Variants in GALNT17 observed in about 807,000 individuals in gnomAD.
The protein encoded by GALNT17 is UDP-GalNAc:polypeptide N-acetylgalactosaminyltransferase-like 3.
GALNT17 carries 29 observed loss-of-function variants against 63.7 expected under a neutral mutation model. The ratio of observed to expected loss-of-function variants is 0.46; its 90% CI spans 0.34 to 0.62. The LOEUF is 0.62. GALNT17 is among the 20% of genes least tolerant of loss of function. The pLI, the probability that GALNT17 is intolerant of heterozygous loss-of-function variation, is 0.01. For missense variants in GALNT17, 603 were observed against 799.6 expected (o/e 0.75, Z 2.97); for synonymous variants, 305 against 318.3 (o/e 0.96, Z 0.45).
intron 6 of GALNT17, among the ~76,000 whole-genome samples, chr7:71,665,059 C>T (rs897531785): frequency 6.6e-6 from 1 of 152,160 alleles, no homozygotes; most frequent in Non-Finnish European, 1.5e-5. Flanking sequence ...CTCACTGCAA[C>T]CTCCACCTCC....
intron 9 of GALNT17, among the ~76,000 whole-genome samples, chr7:71,689,591 T>G (rs898309398): frequency 6.6e-6 from 1 of 152,202 alleles, no homozygotes; most frequent in Admixed American, 6.5e-5. Flanking sequence ...GAGGTTGGCT[T>G]GAGGTTTAAG....
chr7:71,337,729 G>A (rs1410574033), intron 2 of GALNT17, among the ~76,000 whole-genome samples: 3 of 151,708 alleles, frequency 2.0e-5, no homozygotes, highest in Non-Finnish European at 2.9e-5. Context: ...TTGGCTGGGC[G>A]CGGTGGCAGG....
chr7:71,133,150 G>A, intron 1 of GALNT17, 110 bp downstream of exon 1: 1 of 944,836 alleles, frequency 1.1e-6, no homozygotes, highest in Non-Finnish European at 1.5e-6. Context: ...GGCACACCCT[G>A]GCTCCCGCGC....
chr7:71,620,442 A>C (rs1356021478), intron 6 of GALNT17, among the ~76,000 whole-genome samples: 1 of 152,126 alleles, frequency 6.6e-6, no homozygotes, highest in Admixed American at 6.6e-5. Flanking sequence ...ATGCCACTGC[A>C]CTCCAGCCTG....
At chr7:71,285,685 C>T (rs1233331245) in intron 1 of GALNT17, among the ~76,000 whole-genome samples, 1 of 152,194 alleles carries the variant, frequency 6.6e-6, no homozygotes, top group African/African-American at 2.4e-5. Flanking sequence ...TCATCCATTT[C>T]TGTCATGTGA....
At chr7:71,442,896 T>G (rs1039877945) in intron 5 of GALNT17, among the ~76,000 whole-genome samples, 3 of 152,166 alleles carry the variant, frequency 2.0e-5, no homozygotes, top group Non-Finnish European at 2.9e-5. Flanking sequence ...CCAGTCAGTA[T>G]TTTGGAGTTT....
At chr7:71,553,835 G>A (rs7779947) in intron 5 of GALNT17, among the ~76,000 whole-genome samples, 47,531 of 151,826 alleles carry the variant, frequency 0.31, 7,555 homozygotes, top group Admixed American at 0.34. Context: ...GATTTTGACA[G>A]GCTGTTATTT....
At chr7:71,273,691 C>T (rs1442803721) in intron 1 of GALNT17, among the ~76,000 whole-genome samples, 1 of 152,192 alleles carries the variant, frequency 6.6e-6, no homozygotes, top group Admixed American at 6.5e-5. Flanking sequence ...TTAGAGCCAA[C>T]AGATGTTTCT....
At chr7:71,568,807 A>G (rs566652979) in intron 5 of GALNT17, among the ~76,000 whole-genome samples, 179 of 152,346 alleles carry the variant, frequency 1.2e-3, no homozygotes, top group Non-Finnish European at 2.0e-3. Flanking sequence ...ATGTAATACA[A>G]TACAATACTT....
At chr7:71,240,821 C>T (rs527603098) in intron 1 of GALNT17, among the ~76,000 whole-genome samples, 1 of 152,080 alleles carries the variant, frequency 6.6e-6, no homozygotes, top group Admixed American at 6.5e-5. Flanking sequence ...CCCGCCACCT[C>T]GCCTGGCTAA....
intron 1 of GALNT17, among the ~76,000 whole-genome samples, chr7:71,309,404 G>A (rs1791371495): frequency 6.6e-6 from 1 of 151,864 alleles, no homozygotes; most frequent in Non-Finnish European, 1.5e-5. Context: ...CTTCTGCTGG[G>A]AAGGAGTTTC....
intron 1 of GALNT17, among the ~76,000 whole-genome samples, chr7:71,230,059 A>G (rs1789759410): frequency 1.3e-5 from 2 of 152,136 alleles, no homozygotes; most frequent in Non-Finnish European, 2.9e-5. Flanking sequence ...GAATAGGCCC[A>G]GTGAGTATAG....
intron 1 of GALNT17, among the ~76,000 whole-genome samples, chr7:71,268,050 A>C (rs1291793866): frequency 6.6e-6 from 1 of 152,134 alleles, no homozygotes; most frequent in African/African-American, 2.4e-5. Flanking sequence ...TTTCAGAGGG[A>C]TGCTGGATGC....
chr7:71,549,021 G>C (rs1789031873), intron 5 of GALNT17, among the ~76,000 whole-genome samples: 1 of 152,198 alleles, frequency 6.6e-6, no homozygotes, highest in African/African-American at 2.4e-5. Context: ...TTATGGATAG[G>C]AATGCCCCTT....
intron 5 of GALNT17, among the ~76,000 whole-genome samples, chr7:71,430,496 A>G (rs1412724595): frequency 1.3e-5 from 2 of 152,192 alleles, no homozygotes; most frequent in African/African-American, 4.8e-5. Context: ...CTTTCAGGGC[A>G]CTGGCTGAAA....
intron 6 of GALNT17, among the ~76,000 whole-genome samples, chr7:71,637,086 T>G (rs1365071712): frequency 6.6e-6 from 1 of 152,228 alleles, no homozygotes; most frequent in East Asian, 1.9e-4. Flanking sequence ...CTCATCATGT[T>G]ATTACGTGAT....
At chr7:71,484,797 A>ATTTTTTTTTTTTTTTTTTTTTTTTTTT (rs386410414) in intron 5 of GALNT17, among the ~76,000 whole-genome samples, 1 of 107,364 alleles carries the variant, frequency 9.3e-6, no homozygotes, top group Non-Finnish European at 1.7e-5. Context: ...CAGCATCAGG[A>ATTTTTTTTTTTTTTTTTTTTTTTTTTT]TTTTTTTTTT....
chr7:71,397,388 A>G (rs1170997298), intron 3 of GALNT17, among the ~76,000 whole-genome samples: 1 of 152,128 alleles, frequency 6.6e-6, no homozygotes. Context: ...ATCAAGACCT[A>G]CTGCCTATCC....
At chr7:71,304,650 A>G (rs1791257820) in intron 1 of GALNT17, among the ~76,000 whole-genome samples, 1 of 152,142 alleles carries the variant, frequency 6.6e-6, no homozygotes, top group Admixed American at 6.5e-5. Flanking sequence ...TACAGTTCAG[A>G]TAAGTTAGTT....
Sources: gnomAD v4.1 joint callset for allele counts (sites outside exome capture counted in the v4.1 genomes callset) on GRCh38, gnomAD v4.1.1 for gene constraint, MANE v1.5 for transcripts, NCBI Gene and HGNC (gene_info 2026-07-23, HGNC 2026-07-21) for gene names.